The following FRMD3 variants were observed in gnomAD, a reference collection of about 807,000 sequenced individuals.
FRMD3 encodes the protein FERM domain containing 3.
Under a neutral mutation model 70.2 loss-of-function variants are expected in FRMD3, and 33 were observed. The ratio of observed to expected loss-of-function variants is 0.47; its 90% CI spans 0.36 to 0.63. FRMD3 has a LOEUF of 0.63. FRMD3 is among the 20% of genes least tolerant of loss of function. The pLI, the probability that FRMD3 is intolerant of heterozygous loss-of-function variation, is 0.00. For synonymous variants in FRMD3, 279 were observed against 255.9 expected, an observed-to-expected ratio of 1.09 and a Z score of -0.86; for missense variants, 632 against 711.4, an observed-to-expected ratio of 0.89 and a Z score of 1.27.
At chr9:83,320,267 T>C (rs1196471585) in intron 6 of FRMD3, among the ~76,000 whole-genome samples, 1 of 152,232 alleles carries the variant, frequency 6.6e-6, no homozygotes, top group Non-Finnish European at 1.5e-5. Flanking sequence ...TTTATCCTGT[T>C]AAATATGATG....
intron 2 of FRMD3, 91 bp downstream of exon 2, chr9:83,389,513 G>A (rs1378718694): frequency 4.9e-6 from 4 of 808,620 alleles, no homozygotes; most frequent in Admixed American, 1.8e-5. Flanking sequence ...TGAGAACAAG[G>A]GCATCACTAG....
rs183985144 is a variant in FRMD3 at position 83,292,282 on chromosome 9, G to A, written c.1071-1555C>T. On this transcript the variant is annotated intron_variant, in intron 12 of 13. Transcript: ENST00000304195. ...CAAGCAATTCTCCTGCCTCAGCCTC[G>A]CGAGTAGCTGGGATTACAGGTGTGT... Among the ~76,000 whole-genome samples, 311 of 148,678 alleles carry A rather than the reference G, an allele frequency of 2.1e-3. 1 individual carries two copies. Among genetic ancestry groups the A allele is most frequent in the African/African-American group, 7.3e-3 (296 of 40,556 alleles).
At chr9:83,497,788 C>T (rs1828973983) in intron 1 of FRMD3, among the ~76,000 whole-genome samples, 1 of 152,204 alleles carries the variant, frequency 6.6e-6, no homozygotes, top group Non-Finnish European at 1.5e-5. Flanking sequence ...TGGAGAACAA[C>T]TGCTCTTCAC....
At chr9:83,479,501 C>A (rs1828483590) in intron 1 of FRMD3, among the ~76,000 whole-genome samples, 1 of 143,668 alleles carries the variant, frequency 7.0e-6, no homozygotes, top group Non-Finnish European at 1.5e-5. Context: ...GTGGTACATG[C>A]CTGTAGTCCC....
Position 83,348,945 on chromosome 9 carries a change from T to C in FRMD3, c.374+734A>G, listed in dbSNP as rs111365601. Among the ~76,000 whole-genome samples, 932 of 152,274 alleles carry C rather than the reference T, an allele frequency of 6.1e-3. 4 individuals carry two copies. The highest frequency in any genetic ancestry group is 0.021 in the African/African-American group (892 of 41,544). On this transcript the variant is annotated intron_variant, in intron 4 of 13. Transcript: ENST00000304195. ...ATGATCAGAGCAGATTACACTTGCT[T>C]TTCTGTTGCATCTATCTGTACCTAA...
intron 7 of FRMD3, 88 bp from the exon 8 acceptor site, chr9:83,312,063 C>T: frequency 2.0e-6 from 2 of 1,006,308 alleles, no homozygotes; most frequent in South Asian, 3.1e-5. Flanking sequence ...TTCATCCTCA[C>T]CCTAGGTTAA....
intron 1 of FRMD3, among the ~76,000 whole-genome samples, chr9:83,423,488 C>T (rs185630609): frequency 4.7e-5 from 7 of 150,172 alleles, no homozygotes; most frequent in African/African-American, 1.5e-4. Flanking sequence ...CTCCTAGAGT[C>T]TCATATGGTG....
chr9:83,495,848 A>C (rs1207015927), intron 1 of FRMD3, among the ~76,000 whole-genome samples: 2 of 152,246 alleles, frequency 1.3e-5, no homozygotes, highest in African/African-American at 4.8e-5. Flanking sequence ...CACATGAGTA[A>C]ATTCACAAAT....
At position 83,308,310 on chromosome 9, in the gene FRMD3, T is replaced by C. The variant is rs141608571; in HGVS notation, c.926+1226A>G. ...TCTACCACCACAACTTCTCTTTTTA[T>C]CTCCTTTACATGCTGGACTTTGCCT... On this transcript the variant is annotated intron_variant, in intron 10 of 13. Transcript: ENST00000304195. Among the ~76,000 whole-genome samples the C allele has an allele frequency of 2.9e-3, 443 of 152,336 alleles. 2 individuals are homozygous for C. Among genetic ancestry groups the C allele is most frequent in the African/African-American group, 0.01 (425 of 41,582 alleles).
At chr9:83,368,891 G>A (rs1457252100) in intron 3 of FRMD3, among the ~76,000 whole-genome samples, 4 of 151,564 alleles carry the variant, frequency 2.6e-5, no homozygotes, top group African/African-American at 9.7e-5. Context: ...GTTCGTTTTT[G>A]TTGCCCAGGC....
At chr9:83,305,750 TATAA>T (rs1293201415) in intron 10 of FRMD3, among the ~76,000 whole-genome samples, 2 of 152,252 alleles carry the variant, frequency 1.3e-5, no homozygotes, top group Non-Finnish European at 2.9e-5. Flanking sequence ...CTCAGACGGC[TATAA>T]ATATTCAGGT....
chr9:83,364,420 A>T (rs936241103), intron 3 of FRMD3, among the ~76,000 whole-genome samples: 13 of 152,092 alleles, frequency 8.5e-5, no homozygotes, highest in African/African-American at 3.1e-4. Flanking sequence ...AGCTGGGCAC[A>T]GTACACGCGC....
rs149258803 is a variant in FRMD3, at chr9:83,476,524, C to T, written c.147+61561G>A. Among the ~76,000 whole-genome samples the T allele has an allele frequency of 2.4e-3, 364 of 152,268 alleles. 1 individual carries two copies. The highest frequency in any genetic ancestry group is 7.7e-3 in the African/African-American group (320 of 41,550). On this transcript the variant is annotated intron_variant, in intron 1 of 13. Transcript: ENST00000304195. ...CCCAGAATAGTTTGGGTTTTAGATG[C>T]TAGCATGTCCACTAGTTGGAGATGT... is the stretch of plus-strand genomic sequence containing the variant.
chr9:83,526,202 C>T (rs1216899866), intron 1 of FRMD3, among the ~76,000 whole-genome samples: 1 of 152,166 alleles, frequency 6.6e-6, no homozygotes, highest in East Asian at 1.9e-4. Context: ...CTTAGGGACC[C>T]GTGCCTAAAA....
rs1314261903 is a variant in FRMD3, at chr9:83,395,272, AT to A, written c.148-5565del. Among the ~76,000 whole-genome samples the A allele has an allele frequency of 3.5e-3, 192 of 54,568 alleles. 2 individuals are homozygous for A. The East Asian group carries it at 0.053, about 15-fold the overall frequency. The allele number at this position is 54,568 out of a possible 152,430, so 35.8% of individuals were successfully genotyped here. On this transcript the variant is annotated intron_variant, in intron 1 of 13. Transcript: ENST00000304195. The stretch of plus-strand genomic sequence containing the variant: ...TGCCTCCCAGAACTGTCCTCTATAG[AT>A]TTAAAAAAAAAAAAAAAAGGGAACA...
chr9:83,248,108 C>T lies in FRMD3; in HGVS notation c.1604G>A (p.Gly535Asp). The change falls in exon 14 of 14, where the codon GGC becomes GAC. Residue 535 changes from glycine to aspartate, a missense_variant. Coordinates refer to ENST00000304195, the MANE Select transcript of FRMD3 (RefSeq NM_174938.6). ...AAATACAAAGAGCAGCAGTCCCAGG[C>T]CCACCACAAGGAGCCTGGAAAAACT... ...VKSFSRLLVVGLGLLLFVFPL... is the reference protein window; with the variant it reads ...VKSFSRLLVVDLGLLLFVFPL... The T allele has an allele frequency of 1.2e-6, 2 of 1,614,164 alleles. No homozygotes were observed. The highest frequency in any genetic ancestry group is 2.2e-5 in the South Asian group (2 of 91,086).
intron 1 of FRMD3, among the ~76,000 whole-genome samples, chr9:83,442,171 T>C (rs554284660): frequency 6.6e-6 from 1 of 152,156 alleles, no homozygotes; most frequent in South Asian, 2.1e-4. Flanking sequence ...GGTGAGAGTC[T>C]ACTAGTGCCA....
intron 1 of FRMD3, among the ~76,000 whole-genome samples, chr9:83,512,461 T>C (rs1203272389): frequency 1.3e-5 from 2 of 152,176 alleles, no homozygotes; most frequent in African/African-American, 4.8e-5. Context: ...GAGAGAAGAC[T>C]CACATAGTGT....
chr9:83,362,197 CT>C (rs1824611160), intron 3 of FRMD3, among the ~76,000 whole-genome samples: 1 of 151,788 alleles, frequency 6.6e-6, no homozygotes, highest in Non-Finnish European at 1.5e-5. Context: ...CTCTCTCTCT[CT>C]CTCTCTCTCT....
Sources: allele counts gnomAD v4.1 joint callset (sites outside exome capture counted in the v4.1 genomes callset), GRCh38; gene constraint gnomAD v4.1.1; transcripts MANE v1.5; gene names NCBI Gene and HGNC (gene_info 2026-07-23, HGNC 2026-07-21).